The following NFIX variants were observed in gnomAD, a reference collection of about 807,000 sequenced individuals.
NFIX encodes the protein nuclear factor 1 X-type.
A neutral mutation model predicts 53.3 loss-of-function variants in NFIX; 2 were observed. That is an observed-to-expected ratio of 0.04 (90% confidence interval 0.02 to 0.12). The LOEUF (loss-of-function observed/expected upper bound fraction) is 0.12. Ranked by LOEUF, NFIX falls within the 10% of genes least tolerant of loss-of-function variation. NFIX has a pLI of 1.00. For synonymous variants in NFIX, 244 were observed against 289.0 expected (o/e 0.84, Z 1.58); for missense variants, 310 against 674.5 (o/e 0.46, Z 5.99).
chr19:12,995,797 C>A lies in NFIX; in HGVS notation c.-41C>A. Reference sequence around the variant, plus strand: ...GGCCGCCGCCTGCCGGGCCTCCCCTCGCCGCGGCCGGCCGCCGCGCTCCCG... The same window carrying A: ...GGCCGCCGCCTGCCGGGCCTCCCCTAGCCGCGGCCGGCCGCCGCGCTCCCG... On this transcript the variant is annotated 5_prime_UTR_variant, in exon 1 of 11. Coordinates refer to ENST00000592199, the MANE Select transcript of NFIX (RefSeq NM_001365902.3). 3.1e-6 allele frequency: 3 copies of A among 964,242 alleles called. No individual in the cohort carries two copies. In the South Asian group the frequency reaches 1.4e-4, roughly 44 times the overall value. The allele number at this position is 964,242 out of a possible 1,614,324, so 59.7% of individuals were successfully genotyped here. A position where few individuals can be genotyped will look rare whatever the true frequency, so the allele number is the denominator to read the frequency against.
At chr19:13,086,608 C>T (rs1181737714) in intron 8 of NFIX, among the ~76,000 whole-genome samples, 1 of 152,190 alleles carries the variant, frequency 6.6e-6, no homozygotes, top group Admixed American at 6.5e-5. Flanking sequence ...GGCCTCCACC[C>T]AGCCCCTCCA....
At chr19:13,070,192 T>G (rs2016687918) in intron 2 of NFIX, 1 of 152,334 alleles carries the variant, frequency 6.6e-6, no homozygotes, top group Non-Finnish European at 1.5e-5. Flanking sequence ...CTGCAGCCAC[T>G]GGCTGGTTCC....
rs1228142899 is a variant in NFIX, at chr19:13,081,233, A to G, written c.1079-447A>G. The stretch of plus-strand genomic sequence containing the variant: ...GGTGGGAGGATTGCATGAGCCCAGG[A>G]GGATTGCTTGCCGTGATCCGTGTTT... On this transcript the variant is annotated intron_variant, in intron 7 of 10. Transcript: ENST00000592199. The surrounding 1 kb of genome is among the most constrained non-coding windows in gnomAD (Gnocchi z 4.7). Among the ~76,000 whole-genome samples, 1 of 150,888 alleles carries G rather than the reference A, an allele frequency of 6.6e-6. No homozygotes were observed. The highest frequency in any genetic ancestry group is 2.0e-4 in the East Asian group (1 of 5,086).
intron 7 of NFIX, among the ~76,000 whole-genome samples, chr19:13,080,532 T>TGTTTAAAATG (rs1208595913): frequency 2.0e-4 from 30 of 152,212 alleles, no homozygotes; most frequent in Non-Finnish European, 2.8e-4. Context: ...GCCATGTCTT[T>TGTTTAAAATG]GTTTAAAATG....
In NFIX at chr19:13,049,827, C is replaced by T. The variant is rs934859152; in HGVS notation, c.560-23220C>T. ...CAGGCTGGTCTCGAACTCCTGATCTCGTGATCCGCTCACCTCGGCCTCCCA... is the reference window on the plus strand; with the variant it reads ...CAGGCTGGTCTCGAACTCCTGATCTTGTGATCCGCTCACCTCGGCCTCCCA... On this transcript the variant is annotated intron_variant, in intron 2 of 10. Transcript: ENST00000592199. This position sits in a 1 kb window ranked among gnomAD's most constrained non-coding sequence, Gnocchi z 4.5. 6.6e-6 allele frequency among the ~76,000 whole-genome samples: 1 copy of T among 152,130 alleles called. No homozygotes were observed. Among genetic ancestry groups the T allele is most frequent in the South Asian group, 2.1e-4 (1 of 4,820 alleles).
intron 1 of NFIX, among the ~76,000 whole-genome samples, chr19:13,004,799 G>A (rs968769077): frequency 5.3e-5 from 8 of 151,950 alleles, no homozygotes; most frequent in Admixed American, 1.3e-4. Context: ...CCGAGAGAAG[G>A]GATGGGGACA....
intron 8 of NFIX, among the ~76,000 whole-genome samples, chr19:13,083,867 C>G (rs1027669812): frequency 3.9e-5 from 6 of 152,220 alleles, no homozygotes; most frequent in African/African-American, 1.4e-4. Flanking sequence ...GGCCCGGCTC[C>G]GCCACTGATC....
intron 2 of NFIX, among the ~76,000 whole-genome samples, chr19:13,046,879 A>AG (rs1314183934): frequency 6.6e-6 from 1 of 152,194 alleles, no homozygotes; most frequent in African/African-American, 2.4e-5. Context: ...GAGCCTGATC[A>AG]GGAGAGGGTC....
Position 13,081,566 on chromosome 19 carries a change from A to G in NFIX, c.1079-114A>G, listed in dbSNP as rs1474148691. 2 of 1,095,102 alleles carry G rather than the reference A, an allele frequency of 1.8e-6. No homozygotes were observed. The highest frequency in any genetic ancestry group is 2.5e-6 in the Non-Finnish European group (2 of 785,418). 67.8% of individuals were successfully genotyped at this position (1,095,102 alleles called of 1,614,324 possible). ...CTTTTGTGCCTGTGGCGGCTGCCTT[A>G]CCTGCTCAGGATCCTCAGGACCCTC... On this transcript the variant is annotated intron_variant, in intron 7 of 10. Transcript: ENST00000592199. This position sits in a 1 kb window ranked among gnomAD's most constrained non-coding sequence, Gnocchi z 4.7.
rs2011456611 is a variant in NFIX, at chr19:12,996,108, C to T, written c.27+244C>T. On this transcript the variant is annotated intron_variant, in intron 1 of 10. Transcript: ENST00000592199. The surrounding 1 kb of genome is among the most constrained non-coding windows in gnomAD (Gnocchi z 5.2). ...CCGGGGGTGGCCAGCTGCGTCGTGG[C>T]GCTGCCCGTGGAGCGCAGGCGGGAG... Among the ~76,000 whole-genome samples, 3 of 151,042 alleles carry T rather than the reference C, an allele frequency of 2.0e-5. No individual in the cohort carries two copies. The South Asian group carries it at 6.3e-4, about 32-fold the overall frequency.
rs1043312998 is a variant in NFIX, at chr19:13,089,197, A to T, written c.1402+1061A>T. ...TCATTGGAGGTGGGCAGGGTGGGGG[A>T]TGGGAGCTGGGCTACAGGGTTCGGG... On this transcript the variant is annotated intron_variant, in intron 9 of 10. Transcript: ENST00000592199. The surrounding 1 kb of genome is among the most constrained non-coding windows in gnomAD (Gnocchi z 4.8). 6.6e-6 allele frequency among the ~76,000 whole-genome samples: 1 copy of T among 151,868 alleles called. No homozygotes were observed.
chr19:13,048,898 C>A (rs959889404), intron 2 of NFIX, among the ~76,000 whole-genome samples: 1 of 152,056 alleles, frequency 6.6e-6, no homozygotes, highest in Non-Finnish European at 1.5e-5. Flanking sequence ...CATGGTGAAA[C>A]CCTGTCTTTA....
intron 2 of NFIX, among the ~76,000 whole-genome samples, chr19:13,026,102 A>C (rs2013323432): frequency 6.6e-6 from 1 of 152,196 alleles, no homozygotes; most frequent in South Asian, 2.1e-4. Flanking sequence ...GAGAGAAGAC[A>C]GTAGTGGGCA....
In NFIX at chr19:13,036,811, C is replaced by T. The variant is rs1599760934; in HGVS notation, c.559+11259C>T. On this transcript the variant is annotated intron_variant, in intron 2 of 10. Transcript: ENST00000592199. This position sits in a 1 kb window ranked among gnomAD's most constrained non-coding sequence, Gnocchi z 4.7. ...ACACCAGAGCCACCTTATAAATACCCGTGCTGGGCTATAAATTTCTGAGCA... is the reference window on the plus strand; with the variant it reads ...ACACCAGAGCCACCTTATAAATACCTGTGCTGGGCTATAAATTTCTGAGCA... 6.6e-6 allele frequency among the ~76,000 whole-genome samples: 1 copy of T among 152,128 alleles called. No homozygotes were observed. Among genetic ancestry groups the T allele is most frequent in the Non-Finnish European group, 1.5e-5 (1 of 68,036 alleles).
At chr19:13,050,221 A>T (rs2015244913) in intron 2 of NFIX, among the ~76,000 whole-genome samples, 1 of 152,080 alleles carries the variant, frequency 6.6e-6, no homozygotes, top group South Asian at 2.1e-4. Context: ...CTTCTCCTAT[A>T]CTGCATATTC....
At position 13,002,367 on chromosome 19, in the gene NFIX, C is replaced by T. The variant is rs1183272798; in HGVS notation, c.27+6503C>T. 6.6e-6 allele frequency among the ~76,000 whole-genome samples: 1 copy of T among 152,054 alleles called. No homozygotes were observed. The highest frequency in any genetic ancestry group is 1.5e-5 in the Non-Finnish European group (1 of 67,976). ...TTCACTAAAGGAAGAAGGGCTAGCT[C>T]CCCAACCCCCCCTTCCTCACCACCT... On this transcript the variant is annotated intron_variant, in intron 1 of 10. Transcript: ENST00000592199. The surrounding 1 kb of genome is among the most constrained non-coding windows in gnomAD (Gnocchi z 6.1).
Position 13,036,592 on chromosome 19 carries a change from G to A in NFIX, c.559+11040G>A, listed in dbSNP as rs1446949221. Reference sequence around the variant, plus strand: ...GGAGGCGACCTGCAGGAGGCCAGCCGAGTGCAGCCCTTGGGGAGTGTGTCC... The same window carrying A: ...GGAGGCGACCTGCAGGAGGCCAGCCAAGTGCAGCCCTTGGGGAGTGTGTCC... On this transcript the variant is annotated intron_variant, in intron 2 of 10. Transcript: ENST00000592199. This position sits in a 1 kb window ranked among gnomAD's most constrained non-coding sequence, Gnocchi z 4.7. Among the ~76,000 whole-genome samples the A allele has an allele frequency of 6.6e-6, 1 of 152,188 alleles. No individual in the cohort carries two copies. The highest frequency in any genetic ancestry group is 2.4e-5 in the African/African-American group (1 of 41,440).
chr19:13,059,542 C>A (rs765198233), intron 2 of NFIX, among the ~76,000 whole-genome samples: 1 of 152,186 alleles, frequency 6.6e-6, no homozygotes, highest in Non-Finnish European at 1.5e-5. Context: ...GCTGCCCATT[C>A]TTGGAGTGGG....
At chr19:13,054,505 G>T (rs1008310205) in intron 2 of NFIX, among the ~76,000 whole-genome samples, 2 of 152,106 alleles carry the variant, frequency 1.3e-5, no homozygotes, top group African/African-American at 4.8e-5. Context: ...AGAGTCTTGG[G>T]TGGGACGTTT....
Sources: allele counts gnomAD v4.1 joint callset (sites outside exome capture counted in the v4.1 genomes callset), GRCh38; gene constraint gnomAD v4.1.1; non-coding constraint Gnocchi (gnomAD v3.1); transcripts MANE v1.5; gene names NCBI Gene and HGNC (gene_info 2026-07-23, HGNC 2026-07-21).